The following RYR2 variants were observed in gnomAD, a reference collection of about 807,000 sequenced individuals.
RYR2 encodes cardiac muscle ryanodine receptor-calcium release channel.
RYR2 carries 227 observed loss-of-function variants against 601.1 expected under a neutral mutation model. The ratio of observed to expected loss-of-function variants is 0.38; its 90% CI spans 0.34 to 0.42. The LOEUF (loss-of-function observed/expected upper bound fraction) is 0.42, where lower values mean the gene tolerates loss of function less well. Among genes scored for constraint, RYR2 ranks in the 10% least tolerant of loss-of-function variants. RYR2 has a pLI of 1.00. For missense variants in RYR2, 4,646 were observed against 6,156.5 expected, an observed-to-expected ratio of 0.75 and a Z score of 8.21; for synonymous variants, 2,223 against 2,175.1, an observed-to-expected ratio of 1.02 and a Z score of -0.61.
intron 1 of RYR2, among the ~76,000 whole-genome samples, chr1:237,250,579 CTCAAAGCCCG>C (rs977143472): frequency 5.3e-5 from 8 of 152,112 alleles, no homozygotes; most frequent in Non-Finnish European, 8.8e-5. Flanking sequence ...TCTCGTATTC[CTCAAAGCCCG>C]TCTTCCCTTC....
At chr1:237,283,753 A>C (rs1354124820) in intron 2 of RYR2, among the ~76,000 whole-genome samples, 1 of 152,172 alleles carries the variant, frequency 6.6e-6, no homozygotes, top group Non-Finnish European at 1.5e-5. Flanking sequence ...TAGATTGATA[A>C]TGGTCTTGGT....
chr1:237,436,452 TC>T (rs1558814588), intron 12 of RYR2, among the ~76,000 whole-genome samples: 11 of 128,708 alleles, frequency 8.5e-5, no homozygotes, highest in Admixed American at 1.7e-4. Context: ...TGTGTGATTT[TC>T]CTTTTTTTTT....
chr1:237,368,490 G>T (rs1244612434), intron 5 of RYR2, among the ~76,000 whole-genome samples: 1 of 152,148 alleles, frequency 6.6e-6, no homozygotes, highest in Non-Finnish European at 1.5e-5. Context: ...GGCTAGAGAT[G>T]AGTGAGACAA....
chr1:237,709,689 A>T lies in RYR2; in HGVS notation c.10230+122A>T, dbSNP rs552734272. 306 of 529,348 alleles carry T rather than the reference A, an allele frequency of 5.8e-4. 1 individual carries two copies. The highest frequency in any genetic ancestry group is 5.5e-3 in the African/African-American group (286 of 52,452). 32.8% of individuals were successfully genotyped at this position (529,348 alleles called of 1,614,324 possible). On this transcript the variant is annotated intron_variant, in intron 70 of 104. Transcript: ENST00000366574. ...GTTCCCCTGAGGAGTTTGAGGGAAT[A>T]TAAACCTTCTTCTGAGTTTTGCAAT...
chr1:237,285,177 G>A (rs1691413436), intron 2 of RYR2, among the ~76,000 whole-genome samples: 1 of 152,038 alleles, frequency 6.6e-6, no homozygotes, highest in Non-Finnish European at 1.5e-5. Context: ...TGTCTTAGAT[G>A]GCTTTTATTA....
chr1:237,050,823 T>G (rs1479337395), intron 1 of RYR2, among the ~76,000 whole-genome samples: 1 of 152,274 alleles, frequency 6.6e-6, no homozygotes, highest in Non-Finnish European at 1.5e-5. Flanking sequence ...TGATAGCCAC[T>G]AGAAGTTGTA....
intron 87 of RYR2, among the ~76,000 whole-genome samples, chr1:237,775,075 CAAAAAAAA>C (rs5781992): frequency 1.1e-5 from 1 of 90,448 alleles, no homozygotes; most frequent in Non-Finnish European, 2.3e-5. Flanking sequence ...CAATAAGAAC[CAAAAAAAA>C]AAAAAAAAAA....
chr1:237,284,874 A>T (rs1269075702), intron 2 of RYR2, among the ~76,000 whole-genome samples: 1 of 151,852 alleles, frequency 6.6e-6, no homozygotes, highest in Non-Finnish European at 1.5e-5. Flanking sequence ...GTGTACATTG[A>T]TCTTGTATCC....
chr1:237,426,859 C>T (rs902997874), intron 12 of RYR2, among the ~76,000 whole-genome samples: 7 of 152,026 alleles, frequency 4.6e-5, no homozygotes, highest in Non-Finnish European at 1.0e-4. Context: ...GCCTGGGCAA[C>T]ACAGTGAGAC....
chr1:237,425,886 T>C (rs1006793758), intron 12 of RYR2, among the ~76,000 whole-genome samples: 1 of 152,112 alleles, frequency 6.6e-6, no homozygotes, highest in African/African-American at 2.4e-5. Flanking sequence ...TAGTTTGGTG[T>C]TCTGCTTTCA....
chr1:237,559,291 C>T (rs1325759955), intron 27 of RYR2, among the ~76,000 whole-genome samples: 1 of 152,160 alleles, frequency 6.6e-6, no homozygotes, highest in Non-Finnish European at 1.5e-5. Flanking sequence ...CCTGCCCCAT[C>T]ACCCTCTCTC....
intron 24 of RYR2, among the ~76,000 whole-genome samples, chr1:237,513,464 C>T (rs1029058614): frequency 3.3e-5 from 5 of 152,054 alleles, no homozygotes; most frequent in African/African-American, 7.2e-5. Context: ...AAATTTAAAC[C>T]GCATTTCAAA....
At chr1:237,111,237 A>G (rs1310256520) in intron 1 of RYR2, among the ~76,000 whole-genome samples, 2 of 152,236 alleles carry the variant, frequency 1.3e-5, no homozygotes, top group African/African-American at 4.8e-5. Flanking sequence ...CTCTTCCAAC[A>G]GTTACATTTT....
intron 53 of RYR2, 129 bp downstream of exon 53, chr1:237,656,113 T>A (rs1683216109): frequency 8.9e-6 from 6 of 674,938 alleles, no homozygotes; most frequent in Non-Finnish European, 1.2e-5. Context: ...TTAATAGGGG[T>A]CCCTTTAATT....
intron 35 of RYR2, among the ~76,000 whole-genome samples, chr1:237,605,796 A>G (rs1677056030): frequency 6.6e-6 from 1 of 152,160 alleles, no homozygotes; most frequent in South Asian, 2.1e-4. Context: ...GAGCCAAATC[A>G]TGAGTGAACT....
intron 80 of RYR2, among the ~76,000 whole-genome samples, chr1:237,755,379 C>T (rs1388556506): frequency 2.6e-5 from 4 of 152,086 alleles, no homozygotes; most frequent in South Asian, 2.1e-4. Flanking sequence ...ATGTTTTGGC[C>T]GTTGTGTTTA....
At chr1:237,360,128 A>T (rs1196316548) in intron 4 of RYR2, among the ~76,000 whole-genome samples, 1 of 152,228 alleles carries the variant, frequency 6.6e-6, no homozygotes, top group Non-Finnish European at 1.5e-5. Context: ...TTATGTGAGA[A>T]CCTGCGAAAT....
At chr1:237,290,805 A>C (rs1167087991) in intron 2 of RYR2, among the ~76,000 whole-genome samples, 20 of 152,234 alleles carry the variant, frequency 1.3e-4, no homozygotes. Flanking sequence ...GAAAGAAAGA[A>C]TATCCAAGTA....
At chr1:237,655,754 C>T (rs1386617040) in intron 52 of RYR2, 67 bp from the exon 53 acceptor site, 1 of 1,427,352 alleles carries the variant, frequency 7.0e-7, no homozygotes, top group East Asian at 2.5e-5. Flanking sequence ...TTCTGTCAGC[C>T]CTGATGATCA....
Sources: gnomAD v4.1 joint callset for allele counts (sites outside exome capture counted in the v4.1 genomes callset) on GRCh38, gnomAD v4.1.1 for gene constraint, MANE v1.5 for transcripts, NCBI Gene and HGNC (gene_info 2026-07-23, HGNC 2026-07-21) for gene names.